Variants in GNA11 observed in about 807,000 individuals in gnomAD.
GNA11 encodes guanine nucleotide-binding protein subunit alpha-11.
Under a neutral mutation model 38.2 loss-of-function variants are expected in GNA11, and 8 were observed. The ratio of observed to expected loss-of-function variants is 0.21; its 90% CI spans 0.12 to 0.38. The LOEUF is 0.38. GNA11 is among the 10% of genes least tolerant of loss of function. The pLI, the probability that GNA11 is intolerant of heterozygous loss-of-function variation, is 1.00. For synonymous variants in GNA11, 211 were observed against 221.4 expected (o/e 0.95, Z 0.42); for missense variants, 268 against 516.3 (o/e 0.52, Z 4.66).
intron 1 of GNA11, among the ~76,000 whole-genome samples, chr19:3,109,227 C>T (rs11880997): frequency 6.7e-6 from 1 of 149,758 alleles, no homozygotes; most frequent in Non-Finnish European, 1.5e-5. Flanking sequence ...AGTCTCTGCC[C>T]AGGAGGTGAC....
chr19:3,094,827 C>G lies in GNA11; in HGVS notation c.136+40C>G, dbSNP rs1378360089. On this transcript the variant is annotated intron_variant, in intron 1 of 6. Coordinates refer to ENST00000078429, the MANE Select transcript of GNA11 (RefSeq NM_002067.5). This position sits in a 1 kb window ranked among gnomAD's most constrained non-coding sequence, Gnocchi z 6.0. ...CGGGCCTGCCGGCTGCGGGCCCTGC[C>G]CTGCCTGTGCCTGCCCTGCCTGTCC... The G allele has an allele frequency of 7.0e-7, 1 of 1,424,214 alleles. No individual in the cohort carries two copies. The highest frequency in any genetic ancestry group is 9.4e-7 in the Non-Finnish European group (1 of 1,069,340). The allele number at this position is 1,424,214 out of a possible 1,614,324, so 88.2% of individuals were successfully genotyped here. A position where few individuals can be genotyped will look rare whatever the true frequency, so the allele number is the denominator to read the frequency against.
At chr19:3,104,134 T>A (rs1913578109) in intron 1 of GNA11, among the ~76,000 whole-genome samples, 1 of 152,268 alleles carries the variant, frequency 6.6e-6, no homozygotes, top group Admixed American at 6.5e-5. Flanking sequence ...ATCTTGAGCA[T>A]CGGATGAGCC....
intron 1 of GNA11, among the ~76,000 whole-genome samples, chr19:3,101,403 G>A (rs949212280): frequency 2.0e-5 from 3 of 151,998 alleles, no homozygotes; most frequent in Non-Finnish European, 2.9e-5. Flanking sequence ...GATGAATGCA[G>A]CCCCCAGGGA....
chr19:3,099,984 T>C (rs308033), intron 1 of GNA11, among the ~76,000 whole-genome samples: 111,797 of 151,874 alleles, frequency 0.74, 41,128 homozygotes, highest in Admixed American at 0.79. Context: ...ATCCCCATCC[T>C]GCCGCACGTG....
At position 3,120,742 on chromosome 19, in the gene GNA11, G is replaced by A. The variant is rs956050837; in HGVS notation, c.890-247G>A. 6.6e-6 allele frequency among the ~76,000 whole-genome samples: 1 copy of A among 152,140 alleles called. No individual in the cohort carries two copies. The highest frequency in any genetic ancestry group is 1.5e-5 in the Non-Finnish European group (1 of 68,002). On this transcript the variant is annotated intron_variant, in intron 6 of 6. Transcript: ENST00000078429. The surrounding 1 kb of genome is among the most constrained non-coding windows in gnomAD (Gnocchi z 5.9). ...AGGGCTGAGCAGAGGGAGCAGCGGT[G>A]GGTGCAGAGCCCCAGGTTGGAGGCC...
rs577736135 is a variant in GNA11, at chr19:3,113,099, C to A, written c.322-231C>A. Among the ~76,000 whole-genome samples the A allele has an allele frequency of 7.3e-4, 112 of 152,386 alleles. 1 individual carries two copies. Among genetic ancestry groups the A allele is most frequent in the African/African-American group, 2.6e-3 (109 of 41,596 alleles). The stretch of plus-strand genomic sequence containing the variant: ...CCCGGCCTCCCCGGCACCCTGCAGA[C>A]CGCACCGCCGGGAGGCTTTGCTTGT... On this transcript the variant is annotated intron_variant, in intron 2 of 6. Transcript: ENST00000078429.
chr19:3,118,605 G>A, intron 4 of GNA11: 2 of 331,164 alleles, frequency 6.0e-6, no homozygotes, highest in South Asian at 5.0e-5. Context: ...AGGGTCCCTG[G>A]GCACCCATCG....
rs377224539 is a variant in GNA11, at chr19:3,110,163, G to A, written c.151G>A (p.Gly51Arg). Residue 51 changes from glycine to arginine, a missense_variant, in exon 2 of 7, where the codon GGG becomes AGG. By Grantham distance (125) the Gly-to-Arg change is moderately radical. Around this residue, in one of 3 missense-constraint regions of GNA11, gnomAD observed 151 missense variants for 254.0 expected, o/e 0.59. Transcript: ENST00000078429. The surrounding 1 kb of genome is among the most constrained non-coding windows in gnomAD (Gnocchi z 5.4). Reference protein sequence around the residue: ...KLLLLGTGESGKSTFIKQMRI... With the variant: ...KLLLLGTGESRKSTFIKQMRI... ...CCGTCCCCCAGGCACGGGCGAGAGC[G>A]GGAAGAGCACGTTCATCAAGCAGAT... 2.5e-6 allele frequency: 4 copies of A among 1,610,154 alleles called. No individual in the cohort carries two copies. Among genetic ancestry groups the A allele is most frequent in the South Asian group, 1.1e-5 (1 of 90,606 alleles).
At chr19:3,099,480 G>C (rs182436565) in intron 1 of GNA11, among the ~76,000 whole-genome samples, 5 of 152,212 alleles carry the variant, frequency 3.3e-5, no homozygotes, top group African/African-American at 1.2e-4. Context: ...GTTTGCTGGC[G>C]TGCAGGTGGT....
At chr19:3,114,129 C>T (rs1209280962) in intron 3 of GNA11, among the ~76,000 whole-genome samples, 2 of 152,178 alleles carry the variant, frequency 1.3e-5, no homozygotes, top group Non-Finnish European at 2.9e-5. Context: ...GTCCCCCGCC[C>T]CTCCTGCCCG....
chr19:3,100,722 G>A (rs1453010865), intron 1 of GNA11, among the ~76,000 whole-genome samples: 1 of 152,288 alleles, frequency 6.6e-6, no homozygotes, highest in South Asian at 2.1e-4. Context: ...TGGCCAGCAC[G>A]GGGCAGTGGG....
chr19:3,118,727 G>T lies in GNA11; in HGVS notation c.606-197G>T, dbSNP rs1013715651. On this transcript the variant is annotated intron_variant, in intron 4 of 6. Coordinates refer to ENST00000078429, the MANE Select transcript of GNA11 (RefSeq NM_002067.5). ...AGGCCCCTTTGCCAGTGAGGGAAGG[G>T]TCTGCGGTGGTCACCCCTGGAGGCG... 14 of 585,804 alleles carry T rather than the reference G, an allele frequency of 2.4e-5. No homozygotes were observed. In the Admixed American group the frequency reaches 3.9e-4, roughly 16 times the overall value. The allele number at this position is 585,804 out of a possible 1,614,324, so 36.3% of individuals were successfully genotyped here.
At position 3,110,658 on chromosome 19, in the gene GNA11, C is replaced by T. The variant is rs955222330; in HGVS notation, c.321+325C>T. On this transcript the variant is annotated intron_variant, in intron 2 of 6. Transcript: ENST00000078429. This position sits in a 1 kb window ranked among gnomAD's most constrained non-coding sequence, Gnocchi z 5.4. Reference sequence around the variant, plus strand: ...TGTGAGGTGAGCCACTCGCCCAGGTCGCCTTGGGAGTAAGCAGCGTGAGCT... The same window carrying T: ...TGTGAGGTGAGCCACTCGCCCAGGTTGCCTTGGGAGTAAGCAGCGTGAGCT... 1.2e-4 allele frequency among the ~76,000 whole-genome samples: 18 copies of T among 152,212 alleles called. No homozygotes were observed. Among genetic ancestry groups the T allele is most frequent in the East Asian group, 1.2e-3 (6 of 5,192 alleles).
intron 2 of GNA11, among the ~76,000 whole-genome samples, chr19:3,111,976 C>T (rs751366256): frequency 6.6e-6 from 1 of 152,242 alleles, no homozygotes; most frequent in Non-Finnish European, 1.5e-5. Flanking sequence ...CATATTTGGG[C>T]TTAGATCTCC....
rs563503261 is a variant in GNA11, at chr19:3,121,905, C to T, written c.*726C>T. Reference sequence around the variant, plus strand: ...CACAGGTTGAAGAAACACCCTGGGCCCTCTCTCATGGCCGGGTTCCCCGTC... The same window carrying T: ...CACAGGTTGAAGAAACACCCTGGGCTCTCTCTCATGGCCGGGTTCCCCGTC... On this transcript the variant is annotated 3_prime_UTR_variant, in exon 7 of 7. Transcript: ENST00000078429. 3 of 233,012 alleles carry T rather than the reference C, an allele frequency of 1.3e-5. No homozygotes were observed. The highest frequency in any genetic ancestry group is 1.8e-4 in the South Asian group (1 of 5,530). 14.4% of individuals were successfully genotyped at this position (233,012 alleles called of 1,614,324 possible).
At chr19:3,111,104 T>G (rs368025578) in intron 2 of GNA11, among the ~76,000 whole-genome samples, 1 of 149,918 alleles carries the variant, frequency 6.7e-6, no homozygotes, top group South Asian at 2.1e-4. Flanking sequence ...TCCGCCCTGG[T>G]TTTTTTTCTT....
chr19:3,096,281 AG>A (rs5826792), intron 1 of GNA11, among the ~76,000 whole-genome samples: 96,801 of 151,568 alleles, frequency 0.64, 31,040 homozygotes, highest in African/African-American at 0.67. Flanking sequence ...CCATCTTTCC[AG>A]GGGGCCGCGG....
chr19:3,116,365 G>T (rs542936666), intron 4 of GNA11, among the ~76,000 whole-genome samples: 11 of 152,288 alleles, frequency 7.2e-5, no homozygotes, highest in African/African-American at 2.2e-4. Context: ...AGGCCAGAAG[G>T]CTGAGATGCA....
intron 1 of GNA11, among the ~76,000 whole-genome samples, chr19:3,109,842 G>T (rs1229279415): frequency 6.6e-6 from 1 of 152,218 alleles, no homozygotes; most frequent in Non-Finnish European, 1.5e-5. Flanking sequence ...ACTTGATTTG[G>T]CCTGAGACCG....
Sources: allele counts gnomAD v4.1 joint callset (sites outside exome capture counted in the v4.1 genomes callset), GRCh38; gene constraint gnomAD v4.1.1; regional missense constraint gnomAD v4.1.1; non-coding constraint Gnocchi (gnomAD v3.1); transcripts MANE v1.5; gene names NCBI Gene and HGNC (gene_info 2026-07-23, HGNC 2026-07-21).